Variants in GALNT13 observed in about 807,000 individuals in gnomAD.
The protein encoded by GALNT13 is UDP-GalNAc:polypeptide N-acetylgalactosaminyltransferase 13.
In GALNT13, 28 loss-of-function variants were observed where a neutral mutation model predicts 64.2. That is an observed-to-expected ratio of 0.44 (90% CI 0.32 to 0.60). GALNT13 has a LOEUF of 0.60. GALNT13 is among the 20% of genes least tolerant of loss of function. The pLI, the probability that GALNT13 is intolerant of heterozygous loss-of-function variation, is 0.05. For synonymous variants in GALNT13, 214 were observed against 224.6 expected (o/e 0.95, Z 0.42); for missense variants, 577 against 669.8 (o/e 0.86, Z 1.53).
Position 154,259,164 on chromosome 2 carries a change from G to C in GALNT13, c.975+26G>C, listed in dbSNP as rs1309114613. 3 of 1,254,266 alleles carry C rather than the reference G, an allele frequency of 2.4e-6. No individual in the cohort carries two copies. The South Asian group carries it at 3.6e-5, about 15-fold the overall frequency. 77.7% of individuals were successfully genotyped at this position (1,254,266 alleles called of 1,614,324 possible). A position where few individuals can be genotyped will look rare whatever the true frequency, so the allele number is the denominator to read the frequency against. On this transcript the variant is annotated intron_variant, in intron 8 of 12. Coordinates refer to ENST00000392825, the MANE Select transcript of GALNT13 (RefSeq NM_052917.4). ...GTAATTGCATTTTATTTTATTTTTT[G>C]ATGCTGAACATACAATGCTGTAGCA...
the GALNT13 span, among the ~76,000 whole-genome samples, chr2:153,694,923 C>T: frequency 1.3e-5 from 2 of 151,986 alleles, no homozygotes; most frequent in Non-Finnish European, 2.9e-5. Flanking sequence ...CAATGAATTG[C>T]TAGGATAATA....
Position 154,140,393 on chromosome 2 carries a change from C to G in GALNT13, c.199C>G (p.Pro67Ala). Reference protein sequence around the residue: ...PGEMGKAVLIPKDDQEKMKEL... With the variant: ...PGEMGKAVLIAKDDQEKMKEL... Reference sequence around the variant, plus strand: ...AGAAATGGGAAAAGCTGTGTTGATTCCTAAAGATGACCAGGAGAAAATGAA... The same window carrying G: ...AGAAATGGGAAAAGCTGTGTTGATTGCTAAAGATGACCAGGAGAAAATGAA... The change falls in exon 4 of 13, where the codon CCT becomes GCT. Residue 67 changes from proline to alanine, a missense_variant. By Grantham distance (27) the Pro-to-Ala change is conservative. Around this residue, in one of 3 missense-constraint regions of GALNT13, gnomAD observed 341 missense variants for 379.3 expected, o/e 0.90. Transcript: ENST00000392825. The G allele has an allele frequency of 6.2e-7, 1 of 1,612,970 alleles. No homozygotes were observed. Among genetic ancestry groups the G allele is most frequent in the Non-Finnish European group, 8.5e-7 (1 of 1,179,220 alleles).
chr2:154,349,158 C>T (rs562962435), intron 9 of GALNT13, among the ~76,000 whole-genome samples: 66 of 152,188 alleles, frequency 4.3e-4, no homozygotes, highest in Middle Eastern at 3.4e-3. Context: ...TAAACAGGCA[C>T]GTATAATCCA....
the GALNT13 span, among the ~76,000 whole-genome samples, chr2:153,341,891 G>A: frequency 5.9e-5 from 9 of 152,188 alleles, no homozygotes; most frequent in South Asian, 1.9e-3. Flanking sequence ...GTGGGGTGGT[G>A]GGGAGCACTT....
At chr2:153,550,094 G>A in the GALNT13 span, among the ~76,000 whole-genome samples, 1 of 152,132 alleles carries the variant, frequency 6.6e-6, no homozygotes, top group African/African-American at 2.4e-5. Context: ...TCTGCTCCCT[G>A]TTTCCTAGAA....
chr2:153,075,400 A>G, the GALNT13 span, among the ~76,000 whole-genome samples: 1 of 152,160 alleles, frequency 6.6e-6, no homozygotes, highest in Admixed American at 6.6e-5. Context: ...TACCTCATCT[A>G]ATTTACATTT....
At chr2:154,206,810 A>T (rs1165828654) in intron 4 of GALNT13, among the ~76,000 whole-genome samples, 1 of 151,900 alleles carries the variant, frequency 6.6e-6, no homozygotes, top group Non-Finnish European at 1.5e-5. Flanking sequence ...AAAAAAAAAA[A>T]ACAGGAAGGG....
chr2:153,314,460 A>G, the GALNT13 span, among the ~76,000 whole-genome samples: 61 of 152,194 alleles, frequency 4.0e-4, no homozygotes, highest in Non-Finnish European at 1.0e-4. Context: ...AGAACATTCC[A>G]TCCAGTAACA....
At chr2:154,381,557 TCAC>T (rs1698272016) in intron 9 of GALNT13, among the ~76,000 whole-genome samples, 1 of 152,020 alleles carries the variant, frequency 6.6e-6, no homozygotes, top group African/African-American at 2.4e-5. Context: ...TGTATCCCCA[TCAC>T]CTAGGACAGT....
the GALNT13 span, among the ~76,000 whole-genome samples, chr2:153,403,836 C>T: frequency 1.3e-5 from 2 of 152,154 alleles, no homozygotes; most frequent in Admixed American, 6.5e-5. Flanking sequence ...TCTGGCACTC[C>T]CTAGTGAGAT....
At chr2:154,155,784 A>T (rs1465898688) in intron 4 of GALNT13, among the ~76,000 whole-genome samples, 1 of 151,922 alleles carries the variant, frequency 6.6e-6, no homozygotes, top group Non-Finnish European at 1.5e-5. Flanking sequence ...GAATTTTAAT[A>T]TTTAATGTTG....
chr2:153,615,702 A>G, the GALNT13 span, among the ~76,000 whole-genome samples: 1 of 152,178 alleles, frequency 6.6e-6, no homozygotes, highest in African/African-American at 2.4e-5. Context: ...AATCTTTTAA[A>G]TCTTTTAAAT....
At chr2:153,974,820 C>G (rs566183712) in intron 3 of GALNT13, among the ~76,000 whole-genome samples, 38 of 151,862 alleles carry the variant, frequency 2.5e-4, no homozygotes, top group Non-Finnish European at 4.9e-4. Context: ...TCACTAGGTC[C>G]TAGGAAATTG....
chr2:153,134,163 A>T, the GALNT13 span, among the ~76,000 whole-genome samples: 11 of 152,290 alleles, frequency 7.2e-5, no homozygotes, highest in African/African-American at 2.6e-4. Context: ...ACAGACTCTC[A>T]AGAAAAGAAT....
At chr2:154,413,581 G>A (rs1325087917) in intron 11 of GALNT13, among the ~76,000 whole-genome samples, 1 of 151,908 alleles carries the variant, frequency 6.6e-6, no homozygotes, top group African/African-American at 2.4e-5. Context: ...CTACCTTGAT[G>A]TCCCATCGGT....
intron 3 of GALNT13, among the ~76,000 whole-genome samples, chr2:153,998,432 A>G (rs148572650): frequency 1.3e-5 from 2 of 152,304 alleles, no homozygotes; most frequent in Non-Finnish European, 2.9e-5. Context: ...TTGACAGCAT[A>G]AAGGTCTTCT....
At chr2:154,078,215 G>A (rs770135909) in intron 3 of GALNT13, among the ~76,000 whole-genome samples, 22 of 151,362 alleles carry the variant, frequency 1.5e-4, no homozygotes, top group Non-Finnish European at 2.2e-4. Flanking sequence ...ATCATAGCAC[G>A]TAATTTCATT....
At position 153,890,173 on chromosome 2, in the gene GALNT13, ATATG is replaced by A. The variant is rs1558836943; in HGVS notation, c.-176-10762_-176-10759del. On this transcript the variant is annotated intron_variant, in intron 1 of 12. Coordinates refer to ENST00000392825, the MANE Select transcript of GALNT13 (RefSeq NM_052917.4). Reference sequence around the variant, plus strand: ...AAACAAACACAAAAATCATCTGTCTATATGAACAGTGTTCCAAATGTATGAATCA... The same window carrying A: ...AAACAAACACAAAAATCATCTGTCTAAACAGTGTTCCAAATGTATGAATCA... Among the ~76,000 whole-genome samples the A allele has an allele frequency of 2.6e-5, 4 of 151,876 alleles. No homozygotes were observed. In the South Asian group the frequency reaches 8.3e-4, roughly 31 times the overall value.
the GALNT13 span, among the ~76,000 whole-genome samples, chr2:153,137,360 G>A: frequency 5.9e-5 from 9 of 152,080 alleles, no homozygotes; most frequent in Non-Finnish European, 1.2e-4. Context: ...TATCTGGAAA[G>A]CTAATGGCAA....
Sources: allele counts gnomAD v4.1 joint callset (sites outside exome capture counted in the v4.1 genomes callset), GRCh38; gene constraint gnomAD v4.1.1; regional missense constraint gnomAD v4.1.1; transcripts MANE v1.5; gene names NCBI Gene and HGNC (gene_info 2026-07-23, HGNC 2026-07-21).